Variants in KCNIP4 observed in about 807,000 individuals in gnomAD.
KCNIP4 encodes Kv channel-interacting protein 4.
KCNIP4 carries 12 observed loss-of-function variants against 34.0 expected under a neutral mutation model. The ratio of observed to expected loss-of-function variants is 0.35; its 90% CI spans 0.23 to 0.57. The LOEUF (loss-of-function observed/expected upper bound fraction) is 0.57, where lower values mean the gene tolerates loss of function less well. Ranked by LOEUF, KCNIP4 falls within the 20% of genes least tolerant of loss-of-function variation. The pLI, the probability that KCNIP4 is intolerant of heterozygous loss-of-function variation, is 0.83. For synonymous variants in KCNIP4, 124 were observed against 102.2 expected (o/e 1.21, Z -1.29); for missense variants, 238 against 311.7 (o/e 0.76, Z 1.78).
At chr4:21,857,026 G>A (rs1724803721) in intron 1 of KCNIP4, among the ~76,000 whole-genome samples, 1 of 152,152 alleles carries the variant, frequency 6.6e-6, no homozygotes, top group Non-Finnish European at 1.5e-5. Context: ...ACAGTGGCAG[G>A]AGGCAGATAG....
chr4:21,076,182 C>T (rs192621177), intron 1 of KCNIP4, among the ~76,000 whole-genome samples: 9 of 152,220 alleles, frequency 5.9e-5, no homozygotes, highest in African/African-American at 1.7e-4. Flanking sequence ...TGAATGTTGA[C>T]CTGCCTTGCT....
intron 1 of KCNIP4, among the ~76,000 whole-genome samples, chr4:21,218,308 C>T (rs920753600): frequency 5.9e-5 from 9 of 152,128 alleles, no homozygotes; most frequent in African/African-American, 2.2e-4. Context: ...AGCCACTGCA[C>T]CCAGCCTGTA....
intron 1 of KCNIP4, among the ~76,000 whole-genome samples, chr4:21,519,527 T>A (rs1735185753): frequency 1.0e-5 from 1 of 99,902 alleles, no homozygotes; most frequent in Non-Finnish European, 2.1e-5. Flanking sequence ...CATATGTGTG[T>A]ATGTGTATGT....
At chr4:21,692,604 ATGG>A (rs1711776775) in intron 1 of KCNIP4, among the ~76,000 whole-genome samples, 1 of 152,202 alleles carries the variant, frequency 6.6e-6, no homozygotes, top group African/African-American at 2.4e-5. Context: ...ACAGTGTAAC[ATGG>A]TGGTATTTTA....
chr4:20,868,313 C>T (rs1723074736), intron 2 of KCNIP4, among the ~76,000 whole-genome samples: 1 of 152,006 alleles, frequency 6.6e-6, no homozygotes, highest in Non-Finnish European at 1.5e-5. Flanking sequence ...TCATACCAGT[C>T]AGAATGGCTA....
At chr4:20,944,262 G>A (rs1731954516) in intron 1 of KCNIP4, among the ~76,000 whole-genome samples, 1 of 152,186 alleles carries the variant, frequency 6.6e-6, no homozygotes, top group African/African-American at 2.4e-5. Context: ...ATCTGGAGGA[G>A]CAGTTTCATG....
At position 21,046,578 on chromosome 4, in the gene KCNIP4, A is replaced by AATTTATTTATTTATTTATTTATTTATTT. The variant is rs150325780; in HGVS notation, c.62-163897_62-163870dup. ...CTGTTGAGGGACAGAGTTACTAGCTAATTTATTTATTTATTTATTTATTTA... is the reference window on the plus strand; with the variant it reads ...CTGTTGAGGGACAGAGTTACTAGCTAATTTATTTATTTATTTATTTATTTATTTATTTATTTATTTATTTATTTATTTA... On this transcript the variant is annotated intron_variant, in intron 1 of 8. Coordinates refer to ENST00000382152, the MANE Select transcript of KCNIP4 (RefSeq NM_025221.6). 2.8e-3 allele frequency among the ~76,000 whole-genome samples: 326 copies of AATTTATTTATTTATTTATTTATTTATTT among 117,974 alleles called. 1 individual carries two copies. The highest frequency in any genetic ancestry group is 0.01 in the Middle Eastern group (2 of 192). 77.4% of individuals were successfully genotyped at this position (117,974 alleles called of 152,430 possible). A position where few individuals can be genotyped will look rare whatever the true frequency, so the allele number is the denominator to read the frequency against.
intron 1 of KCNIP4, among the ~76,000 whole-genome samples, chr4:21,819,544 C>T (rs1722200586): frequency 2.0e-5 from 3 of 152,228 alleles, no homozygotes; most frequent in African/African-American, 2.4e-5. Context: ...TTTTATTTCC[C>T]ACTATTTACC....
chr4:21,719,717 T>C (rs1714648269), intron 1 of KCNIP4, among the ~76,000 whole-genome samples: 1 of 151,932 alleles, frequency 6.6e-6, no homozygotes, highest in Non-Finnish European at 1.5e-5. Flanking sequence ...AATCCCAGCC[T>C]TTGGGAGGCT....
intron 1 of KCNIP4, chr4:21,763,014 G>A (rs1043156780): frequency 4.1e-5 from 53 of 1,288,398 alleles, no homozygotes; most frequent in Middle Eastern, 2.1e-4. Flanking sequence ...GGTACACAGC[G>A]AATGCTCAAT....
intron 1 of KCNIP4, among the ~76,000 whole-genome samples, chr4:21,553,494 C>T (rs1738744949): frequency 6.6e-6 from 1 of 152,082 alleles, no homozygotes; most frequent in Non-Finnish European, 1.5e-5. Context: ...ATGGGCCTCA[C>T]CTGTCTGGAA....
At chr4:20,950,131 T>A (rs113502862) in intron 1 of KCNIP4, among the ~76,000 whole-genome samples, 7 of 137,722 alleles carry the variant, frequency 5.1e-5, no homozygotes, top group East Asian at 2.2e-4. Context: ...TTTTTTAAAT[T>A]AAAAAAAAAA....
rs548107696 is a variant in KCNIP4, at chr4:21,049,075, C to T, written c.62-166366G>A. On this transcript the variant is annotated intron_variant, in intron 1 of 8. Coordinates refer to ENST00000382152, the MANE Select transcript of KCNIP4 (RefSeq NM_025221.6). ...ACGCCATTCTCCTGCCTCAGCCTCC[C>T]GAGTAGCTGGGACTACAGGCGCCCG... is the stretch of plus-strand genomic sequence containing the variant. 1.1e-4 allele frequency among the ~76,000 whole-genome samples: 16 copies of T among 150,814 alleles called. No homozygotes were observed. The East Asian group carries it at 2.1e-3, about 20-fold the overall frequency.
At chr4:21,636,145 G>A (rs1368946938) in intron 1 of KCNIP4, among the ~76,000 whole-genome samples, 7 of 123,390 alleles carry the variant, frequency 5.7e-5, no homozygotes, top group African/African-American at 2.1e-4. Flanking sequence ...GTTGTGGGGT[G>A]GGGGGAGGGG....
At chr4:21,037,463 G>A (rs1363932018) in intron 1 of KCNIP4, among the ~76,000 whole-genome samples, 2 of 152,114 alleles carry the variant, frequency 1.3e-5, no homozygotes, top group Non-Finnish European at 2.9e-5. Context: ...AATTGCCTGC[G>A]ATACTCATAC....
At chr4:21,814,026 C>T (rs1578022934) in intron 1 of KCNIP4, among the ~76,000 whole-genome samples, 1 of 152,102 alleles carries the variant, frequency 6.6e-6, no homozygotes, top group East Asian at 1.9e-4. Context: ...TTTCATGTAA[C>T]AGCCAGAGAA....
intron 1 of KCNIP4, among the ~76,000 whole-genome samples, chr4:21,768,908 A>G (rs1440149938): frequency 6.6e-5 from 10 of 152,096 alleles, no homozygotes; most frequent in Non-Finnish European, 1.3e-4. Flanking sequence ...ATGTAATCAT[A>G]TGTCAATTTA....
At chr4:21,635,116 G>T (rs973339491) in intron 1 of KCNIP4, among the ~76,000 whole-genome samples, 3 of 152,182 alleles carry the variant, frequency 2.0e-5, no homozygotes, top group Middle Eastern at 3.4e-3. Flanking sequence ...AAAATAAATT[G>T]TTCTGGCAAA....
chr4:21,858,362 A>G (rs1051628493), intron 1 of KCNIP4, among the ~76,000 whole-genome samples: 12 of 152,246 alleles, frequency 7.9e-5, no homozygotes, highest in Admixed American at 1.3e-4. Context: ...AATGGCTAGG[A>G]AAAAGTTTAA....
Sources: allele counts gnomAD v4.1 joint callset (sites outside exome capture counted in the v4.1 genomes callset), GRCh38; gene constraint gnomAD v4.1.1; transcripts MANE v1.5; gene names NCBI Gene and HGNC (gene_info 2026-07-23, HGNC 2026-07-21).